Variants in INO80E observed in about 807,000 individuals in gnomAD.
INO80E encodes the protein coiled-coil domain containing 95.
INO80E carries 20 observed loss-of-function variants against 27.3 expected under a neutral mutation model. The ratio of observed to expected loss-of-function variants is 0.73; its 90% CI spans 0.51 to 1.06. The LOEUF (loss-of-function observed/expected upper bound fraction) is 1.06. INO80E is among the 50% of genes least tolerant of loss of function. The probability of loss-of-function intolerance (pLI) is 0.00; values close to 1 mark genes in which losing one functional copy is unlikely to be tolerated. For synonymous variants in INO80E, 167 were observed against 145.9 expected, an observed-to-expected ratio of 1.14 and a Z score of -1.04; for missense variants, 357 against 322.8, an observed-to-expected ratio of 1.11 and a Z score of -0.81.
At position 29,996,252 on chromosome 16, in the gene INO80E, G is replaced by T. The variant is rs915948389; in HGVS notation, c.-59G>T. On this transcript the variant is annotated 5_prime_UTR_variant, in exon 1 of 7. Coordinates refer to ENST00000563197, the MANE Select transcript of INO80E (RefSeq NM_173618.3). ...CCGGAAGTGGAGGCGGGAGCGGCAC[G>T]GCAGCCACTGCTTGGGGTAGCGGGA... is the stretch of plus-strand genomic sequence containing the variant. 3.3e-6 allele frequency: 5 copies of T among 1,496,998 alleles called. No homozygotes were observed. Among genetic ancestry groups the T allele is most frequent in the Non-Finnish European group, 2.7e-6 (3 of 1,099,078 alleles). 92.7% of individuals were successfully genotyped at this position (1,496,998 alleles called of 1,614,324 possible).
chr16:30,005,340 C>CAA lies in INO80E; in HGVS notation c.634_635insAA (p.Thr212LysfsTer4). 6.7e-7 allele frequency: 1 copy of CAA among 1,503,380 alleles called. No individual in the cohort carries two copies. Among genetic ancestry groups the CAA allele is most frequent in the Non-Finnish European group, 8.8e-7 (1 of 1,132,444 alleles). The allele number at this position is 1,503,380 out of a possible 1,614,324, so 93.1% of individuals were successfully genotyped here. A position where few individuals can be genotyped will look rare whatever the true frequency, so the allele number is the denominator to read the frequency against. On this transcript the variant is annotated frameshift_variant, in exon 7 of 7. Coordinates refer to ENST00000563197, the MANE Select transcript of INO80E (RefSeq NM_173618.3). LOFTEE classifies it high-confidence loss of function. Reference sequence around the variant, plus strand: ...TCCCACCCCCTAAGATGCCCCCCCCCACGATCCTGAGCACGGTCCCTCGGC... The same window carrying CAA: ...TCCCACCCCCTAAGATGCCCCCCCCCAAACGATCCTGAGCACGGTCCCTCGGC...
chr16:29,996,283 G>C lies in INO80E; in HGVS notation c.-28G>C. On this transcript the variant is annotated 5_prime_UTR_variant, in exon 1 of 7. Transcript: ENST00000563197. ...CACTGCTTGGGGTAGCGGGAGGGCAGACTCTGGGCGCCACTCCCGGGCCGG... is the reference window on the plus strand; with the variant it reads ...CACTGCTTGGGGTAGCGGGAGGGCACACTCTGGGCGCCACTCCCGGGCCGG... 6.4e-7 allele frequency: 1 copy of C among 1,565,402 alleles called. No homozygotes were observed. Among genetic ancestry groups the C allele is most frequent in the Non-Finnish European group, 8.7e-7 (1 of 1,154,938 alleles).
intron 3 of INO80E, chr16:29,999,264 C>T (rs745443510): frequency 1.1e-4 from 17 of 152,228 alleles, no homozygotes; most frequent in African/African-American, 1.7e-4. Flanking sequence ...CCTCTTCCTT[C>T]CCTAGGGGCT....
At chr16:30,000,649 G>A (rs2070312350) in intron 3 of INO80E, 109 bp from the exon 4 acceptor site, 2 of 841,016 alleles carry the variant, frequency 2.4e-6, no homozygotes, top group Admixed American at 2.2e-5. Context: ...CCAGGCGTGA[G>A]CCCCCGCACC....
rs536624731 is a variant in INO80E at position 30,001,405 on chromosome 16, C to T, written c.397-9C>T. The T allele has an allele frequency of 4.6e-5, 72 of 1,581,164 alleles. 1 individual carries two copies. In the East Asian group the frequency reaches 7.9e-4, roughly 17 times the overall value. On this transcript the variant is annotated splice_polypyrimidine_tract_variant and intron_variant, in intron 5 of 6. Transcript: ENST00000563197. ...CGCCTCCCATCTCCATCCCCGCTCC[C>T]GCCCGCAGCTGGCCTCCTCCCGCTA...
Position 29,996,379 on chromosome 16 carries a change from G to T in INO80E, c.69G>T (p.Lys23Asn). 1 of 1,593,136 alleles carries T rather than the reference G, an allele frequency of 6.3e-7. No homozygotes were observed. The highest frequency in any genetic ancestry group is 8.6e-7 in the Non-Finnish European group (1 of 1,169,544). ...ACCGGAATCTGAAGCGGAAGCTCAA[G>T]TTCCTCATCTACGTGAGTGCTGCCG... is the stretch of plus-strand genomic sequence containing the variant. ...KKYRNLKRKLKFLIYEHECFQ... is the reference protein window; with the variant it reads ...KKYRNLKRKLNFLIYEHECFQ... The change falls in exon 1 of 7, where the codon AAG becomes AAT. Residue 23 changes from lysine to asparagine, a missense_variant. Lys to Asn is a moderately conservative substitution (Grantham distance 94, BLOSUM62 0). Coordinates refer to ENST00000563197, the MANE Select transcript of INO80E (RefSeq NM_173618.3).
chr16:29,996,694 C>T (rs563768061), intron 2 of INO80E, 77 bp downstream of exon 2: 3 of 1,585,862 alleles, frequency 1.9e-6, no homozygotes, highest in Non-Finnish European at 2.6e-6. Flanking sequence ...CGAGTAGGGC[C>T]ACAAGTGCAT....
Position 30,005,435 on chromosome 16 carries a change from C to T in INO80E, c.728C>T (p.Pro243Leu), listed in dbSNP as rs747629099. 4 of 1,597,166 alleles carry T rather than the reference C, an allele frequency of 2.5e-6. No individual in the cohort carries two copies. The highest frequency in any genetic ancestry group is 2.6e-6 in the Non-Finnish European group (3 of 1,172,548). Residue 243 changes from proline to leucine, a missense_variant, in exon 7 of 7, where the codon CCG (proline) becomes CTG (leucine). Coordinates refer to ENST00000563197, the MANE Select transcript of INO80E (RefSeq NM_173618.3). Reference sequence around the variant, plus strand: ...GACGATGACCTGGTGATCGACATCCCGGAGTGACCGTGACATCACGCCATG... The same window carrying T: ...GACGATGACCTGGTGATCGACATCCTGGAGTGACCGTGACATCACGCCATG... ...DGDDDLVIDI[P>L]E
chr16:30,001,286 GGGAGC>G, intron 5 of INO80E, 123 bp from the exon 6 acceptor site: 1 of 1,490,024 alleles, frequency 6.7e-7, no homozygotes. Context: ...TTCTGTGCTC[GGGAGC>G]CCCGGGAGCC....
rs779236990 is a variant in INO80E, at chr16:30,005,337, C to G, written c.630C>G (p.Pro210=). 2 of 1,460,474 alleles carry G rather than the reference C, an allele frequency of 1.4e-6. No homozygotes were observed. Among genetic ancestry groups the G allele is most frequent in the Admixed American group, 5.4e-5 (2 of 37,110 alleles). 90.5% of individuals were successfully genotyped at this position (1,460,474 alleles called of 1,614,324 possible). Residue 210 remains proline (P), a synonymous_variant, in exon 7 of 7, where the codon CCC becomes CCG. Transcript: ENST00000563197. Reference sequence around the variant, plus strand: ...CCCTCCCACCCCCTAAGATGCCCCCCCCCACGATCCTGAGCACGGTCCCTC... The same window carrying G: ...CCCTCCCACCCCCTAAGATGCCCCCGCCCACGATCCTGAGCACGGTCCCTC... ...LTPLPPPKMP[P]PTILSTVPRQ... is the part of the protein sequence containing the mutation.
At position 30,001,428 on chromosome 16, in the gene INO80E, C is replaced by A; in HGVS notation, c.411C>A (p.Arg137=). The part of the protein sequence containing the change: ...SPYLSSLASS[R]YPPFPSDYLA... ...CCCGCCCGCAGCTGGCCTCCTCCCGCTACCCCCCATTCCCTTCTGACTACC... is the reference window on the plus strand; with the variant it reads ...CCCGCCCGCAGCTGGCCTCCTCCCGATACCCCCCATTCCCTTCTGACTACC... Residue 137 remains arginine (R), a synonymous_variant, in exon 6 of 7, where the codon CGC becomes CGA. Coordinates refer to ENST00000563197, the MANE Select transcript of INO80E (RefSeq NM_173618.3). 6.2e-7 allele frequency: 1 copy of A among 1,605,572 alleles called. No individual in the cohort carries two copies. Among genetic ancestry groups the A allele is most frequent in the East Asian group, 2.2e-5 (1 of 44,564 alleles).
chr16:30,002,964 G>C (rs901620664), intron 6 of INO80E: 13 of 152,228 alleles, frequency 8.5e-5, no homozygotes, highest in African/African-American at 3.1e-4. Context: ...CGTTTTCTCC[G>C]TGTGACCTTG....
chr16:30,000,233 C>T (rs764290910), intron 3 of INO80E, among the ~76,000 whole-genome samples: 48 of 151,846 alleles, frequency 3.2e-4, no homozygotes, highest in Non-Finnish European at 5.3e-4. Flanking sequence ...AGGTGTGTTA[C>T]GGAGGAACCA....
chr16:29,998,438 C>T (rs948219919), intron 3 of INO80E, among the ~76,000 whole-genome samples: 2 of 152,186 alleles, frequency 1.3e-5, no homozygotes, highest in African/African-American at 2.4e-5. Context: ...ACACTGTTTT[C>T]GTCCTTTTAT....
At position 30,001,032 on chromosome 16, in the gene INO80E, C is replaced by G; in HGVS notation, c.388C>G (p.Leu130Val). 1.3e-6 allele frequency: 2 copies of G among 1,544,808 alleles called. No individual in the cohort carries two copies. Among genetic ancestry groups the G allele is most frequent in the South Asian group, 2.5e-5 (2 of 81,434 alleles). Reference protein sequence around the residue: ...LQASGVPSPYLSSLASSRYPP... With the variant: ...LQASGVPSPYVSSLASSRYPP... The stretch of plus-strand genomic sequence containing the variant: ...GGCCTCCGGGGTCCCCTCCCCATAC[C>G]TGAGCTCGGTGAGTTGGGGTCAGGG... Residue 130 changes from leucine to valine, a missense_variant, in exon 5 of 7, where the codon CTG becomes GTG. Coordinates refer to ENST00000563197, the MANE Select transcript of INO80E (RefSeq NM_173618.3).
intron 3 of INO80E, among the ~76,000 whole-genome samples, 189 bp downstream of exon 3, chr16:29,997,049 T>C (rs2070150417): frequency 6.6e-6 from 1 of 152,254 alleles, no homozygotes; most frequent in Non-Finnish European, 1.5e-5. Flanking sequence ...TTTCAGGCAC[T>C]GTGCTTGGCA....
chr16:30,004,019 T>A (rs1205551718), intron 6 of INO80E: 1 of 151,974 alleles, frequency 6.6e-6, no homozygotes, highest in Non-Finnish European at 1.5e-5. Context: ...TGAGGGTAAG[T>A]GAGGGCTCCT....
At position 30,001,496 on chromosome 16, in the gene INO80E, G is replaced by T. The variant is rs766315977; in HGVS notation, c.479G>T (p.Arg160Leu). The change falls in exon 6 of 7, where the codon CGG becomes CTG. Residue 160 changes from arginine (R) to leucine (L), a missense_variant. Transcript: ENST00000563197. ...GAGCCCAGTCCCCTGAGGCCCAAGC[G>T]GGAGAAACGGCCCCGCCTGCCCCGG... ...LPEPSPLRPKREKRPRLPRKL... is the reference protein window; with the variant it reads ...LPEPSPLRPKLEKRPRLPRKL... The T allele has an allele frequency of 6.2e-7, 1 of 1,612,902 alleles. No homozygotes were observed. Among genetic ancestry groups the T allele is most frequent in the East Asian group, 2.2e-5 (1 of 44,854 alleles).
chr16:30,005,334 C>A lies in INO80E; in HGVS notation c.627C>A (p.Pro209=). ...TLTPLPPPKM[P]PPTILSTVPR... Reference sequence around the variant, plus strand: ...CCCCCCTCCCACCCCCTAAGATGCCCCCCCCCACGATCCTGAGCACGGTCC... The same window carrying A: ...CCCCCCTCCCACCCCCTAAGATGCCACCCCCCACGATCCTGAGCACGGTCC... The change falls in exon 7 of 7, where the codon CCC becomes CCA. Residue 209 remains proline (P), a synonymous_variant. Coordinates refer to ENST00000563197, the MANE Select transcript of INO80E (RefSeq NM_173618.3). 1 of 742,596 alleles carries A rather than the reference C, an allele frequency of 1.3e-6. No homozygotes were observed. The highest frequency in any genetic ancestry group is 1.9e-6 in the Non-Finnish European group (1 of 519,032). 46.0% of individuals were successfully genotyped at this position (742,596 alleles called of 1,614,324 possible).
Sources: gnomAD v4.1 joint callset for allele counts (sites outside exome capture counted in the v4.1 genomes callset) on GRCh38, gnomAD v4.1.1 for gene constraint, MANE v1.5 for transcripts, NCBI Gene and HGNC (gene_info 2026-07-23, HGNC 2026-07-21) for gene names.